CUL2: variants seen among roughly 807,000 people sequenced by gnomAD.
The protein encoded by CUL2 is cullin 2.
A neutral mutation model predicts 110.2 loss-of-function variants in CUL2; 22 were observed. The observed-to-expected ratio is 0.20, with a 90% CI of 0.14 to 0.28. The LOEUF is 0.28. Ranked by LOEUF, CUL2 falls within the 10% of genes least tolerant of loss-of-function variation. The pLI, the probability that CUL2 is intolerant of heterozygous loss-of-function variation, is 1.00. For missense variants in CUL2, 631 were observed against 905.5 expected (o/e 0.70, Z 3.89); for synonymous variants, 279 against 293.2 (o/e 0.95, Z 0.49).
intron 1 of CUL2, among the ~76,000 whole-genome samples, chr10:35,072,017 G>A (rs767045521): frequency 1.2e-4 from 18 of 152,152 alleles, no homozygotes; most frequent in Admixed American, 4.6e-4. Flanking sequence ...ACATTCAACC[G>A]AAAGGTTTTG....
At chr10:35,093,798 A>C (rs1008922724), upstream of CUL2, among the ~76,000 whole-genome samples, 3 of 152,082 alleles carry the variant, frequency 2.0e-5, no homozygotes, top group African/African-American at 4.8e-5. Flanking sequence ...GAGTTTCTTC[A>C]TATATTTCAA....
At chr10:35,066,206 G>C (rs916282776) in intron 2 of CUL2, among the ~76,000 whole-genome samples, 1 of 151,742 alleles carries the variant, frequency 6.6e-6, no homozygotes, top group Non-Finnish European at 1.5e-5. Flanking sequence ...GGAATAAAAG[G>C]AAAGGTTACC....
chr10:35,093,551 T>C (rs2087245863), upstream of CUL2, among the ~76,000 whole-genome samples: 1 of 150,854 alleles, frequency 6.6e-6, no homozygotes, highest in Admixed American at 6.7e-5. Context: ...CACAGCTTCT[T>C]GGGAGGCTGA....
intron 8 of CUL2, among the ~76,000 whole-genome samples, chr10:35,042,181 C>G (rs1229412822): frequency 1.3e-5 from 2 of 152,156 alleles, no homozygotes; most frequent in Non-Finnish European, 1.5e-5. Flanking sequence ...TCCTCCTCCC[C>G]TGATAACCTC....
In CUL2 at chr10:35,031,624, T is replaced by C; in HGVS notation, c.1171-5A>G. On this transcript the variant is annotated splice_polypyrimidine_tract_variant and splice_region_variant and intron_variant, in intron 12 of 20. Transcript: ENST00000374749. The surrounding 1 kb of genome is among the most constrained non-coding windows in gnomAD (Gnocchi z 4.4). The stretch of plus-strand genomic sequence containing the variant: ...GTTGTCACAGTACTTAGCAAGCTCA[T>C]GTAGAAATTGATAATAAATCTTACA... The C allele has an allele frequency of 6.2e-7, 1 of 1,613,856 alleles. No individual in the cohort carries two copies. The highest frequency in any genetic ancestry group is 8.5e-7 in the Non-Finnish European group (1 of 1,179,950).
chr10:35,046,695 C>G (rs1450251535), intron 6 of CUL2, among the ~76,000 whole-genome samples: 1 of 152,028 alleles, frequency 6.6e-6, no homozygotes, highest in Non-Finnish European at 1.5e-5. Context: ...AGTTAGAGAG[C>G]AGCCTGGCCA....
intron 1 of CUL2, among the ~76,000 whole-genome samples, chr10:35,105,473 T>C (rs1157378944): frequency 2.0e-5 from 3 of 149,504 alleles, no homozygotes; most frequent in Non-Finnish European, 4.4e-5. Context: ...GTGCGGTGGC[T>C]CACGCCAGTA....
In CUL2 at chr10:35,029,496, C is replaced by T; in HGVS notation, c.1531G>A (p.Val511Ile). Residue 511 changes from valine (V) to isoleucine (I), a missense_variant, in exon 15 of 21, where the codon GTT becomes ATT. Coordinates refer to ENST00000374749, the MANE Select transcript of CUL2 (RefSeq NM_003591.4). Reference protein sequence around the residue: ...IDLGISFQIYVLQAGAWPLTQ... With the variant: ...IDLGISFQIYILQAGAWPLTQ... ...AAAACACATATTCATACCTGTAGAACATATATTTGAAAACTAATTCCCAAA... is the reference window on the plus strand; with the variant it reads ...AAAACACATATTCATACCTGTAGAATATATATTTGAAAACTAATTCCCAAA... 6.5e-7 allele frequency: 1 copy of T among 1,543,862 alleles called. No homozygotes were observed. Among genetic ancestry groups the T allele is most frequent in the Non-Finnish European group, 8.8e-7 (1 of 1,141,998 alleles).
chr10:35,126,235 G>A (rs189768140), intron 1 of CUL2, among the ~76,000 whole-genome samples: 1 of 152,288 alleles, frequency 6.6e-6, no homozygotes, highest in East Asian at 1.9e-4. Flanking sequence ...TTACAGGCCC[G>A]AGCCAGCGGG....
chr10:35,028,963 T>A (rs1271957490), intron 15 of CUL2, 76 bp from the exon 16 acceptor site: 1 of 870,654 alleles, frequency 1.1e-6, no homozygotes, highest in South Asian at 1.8e-5. Flanking sequence ...TATTAAATAA[T>A]CTAAGCATCT....
At chr10:35,113,008 A>G (rs1343332403) in intron 1 of CUL2, among the ~76,000 whole-genome samples, 1 of 151,740 alleles carries the variant, frequency 6.6e-6, no homozygotes, top group Non-Finnish European at 1.5e-5. Context: ...CCTGGCCAAC[A>G]TGATGAAACC....
At chr10:35,027,143 C>CTTTT (rs35508150) in intron 16 of CUL2, among the ~76,000 whole-genome samples, 2 of 127,592 alleles carry the variant, frequency 1.6e-5, no homozygotes, top group African/African-American at 2.8e-5. Flanking sequence ...ACTTTAGATA[C>CTTTT]TTTTTTTTTT....
chr10:35,098,320 GA>G (rs1298492573), intron 2 of CUL2, among the ~76,000 whole-genome samples: 1 of 152,146 alleles, frequency 6.6e-6, no homozygotes, highest in Non-Finnish European at 1.5e-5. Flanking sequence ...ATGCATTTAT[GA>G]TTTCTCAAAA....
intron 5 of CUL2, 58 bp from the exon 6 acceptor site, chr10:35,049,823 C>T (rs2086052048): frequency 2.6e-6 from 3 of 1,162,860 alleles, no homozygotes; most frequent in Non-Finnish European, 3.8e-6. Context: ...TTTAACATTT[C>T]CTCAAGGTTT....
chr10:35,107,217 A>G (rs1490721080), intron 1 of CUL2, among the ~76,000 whole-genome samples: 2 of 151,422 alleles, frequency 1.3e-5, no homozygotes, highest in Non-Finnish European at 1.5e-5. Context: ...CTCGTGATCC[A>G]CCCACCTTGG....
rs551876462 is a variant in CUL2, at chr10:35,074,033, T to C, written c.-22-2694A>G. 4.0e-6 allele frequency: 3 copies of C among 741,812 alleles called. No homozygotes were observed. In the Admixed American group the frequency reaches 6.0e-5, roughly 15 times the overall value. The allele number at this position is 741,812 out of a possible 1,614,324, so 46.0% of individuals were successfully genotyped here. ...TGCTGCGGCCGGTGCTCTAGGCTGCTGTGTGCAACCATGCTACCTCACTAA... is the reference window on the plus strand; with the variant it reads ...TGCTGCGGCCGGTGCTCTAGGCTGCCGTGTGCAACCATGCTACCTCACTAA... On this transcript the variant is annotated intron_variant, in intron 1 of 20. Transcript: ENST00000374749.
intron 10 of CUL2, among the ~76,000 whole-genome samples, chr10:35,034,505 C>T (rs17583107): frequency 0.14 from 20,622 of 152,186 alleles, 1,590 homozygotes; most frequent in South Asian, 0.2. Context: ...CAGATACTAT[C>T]TTATAGATGA....
chr10:35,011,841 C>CT lies in CUL2; in HGVS notation c.2106+6dup. ...CTAAGAAGCCCTGAGGACTGCCCTCCTTTTACCTCTTGAATAAGGGCATTG... is the reference window on the plus strand; with the variant it reads ...CTAAGAAGCCCTGAGGACTGCCCTCCTTTTTACCTCTTGAATAAGGGCATTG... On this transcript the variant is annotated splice_region_variant and intron_variant, in intron 20 of 20. Transcript: ENST00000374749. 6.4e-7 allele frequency: 1 copy of CT among 1,551,480 alleles called. No homozygotes were observed. The highest frequency in any genetic ancestry group is 8.9e-7 in the Non-Finnish European group (1 of 1,123,390).
intron 4 of CUL2, among the ~76,000 whole-genome samples, chr10:35,057,424 A>G (rs1287390703): frequency 6.6e-6 from 1 of 152,190 alleles, no homozygotes; most frequent in Non-Finnish European, 1.5e-5. Flanking sequence ...TGGGAGGCTG[A>G]GGCAGGCAGA....
Sources: gnomAD v4.1 joint callset for allele counts (sites outside exome capture counted in the v4.1 genomes callset) on GRCh38, gnomAD v4.1.1 for gene constraint, Gnocchi (gnomAD v3.1) non-coding constraint, MANE v1.5 for transcripts, NCBI Gene and HGNC (gene_info 2026-07-23, HGNC 2026-07-21) for gene names.